The following ERC2 variants were observed in gnomAD, a reference collection of about 807,000 sequenced individuals.
ERC2 encodes the protein ERC protein 2.
A neutral mutation model predicts 114.8 loss-of-function variants in ERC2; 42 were observed. The ratio of observed to expected loss-of-function variants is 0.37; its 90% CI spans 0.29 to 0.47. The LOEUF is 0.47. Among genes scored for constraint, ERC2 ranks in the 20% least tolerant of loss-of-function variants. The pLI is 0.99. For synonymous variants in ERC2, 454 were observed against 425.5 expected (o/e 1.07, Z -0.82); for missense variants, 939 against 1,150.7 (o/e 0.82, Z 2.66).
chr3:56,339,468 C>G (rs1173585447), intron 2 of ERC2, among the ~76,000 whole-genome samples: 1 of 152,026 alleles, frequency 6.6e-6, no homozygotes, highest in African/African-American at 2.4e-5. Context: ...GTGTGGCTGG[C>G]AGGAGAAGCC....
At chr3:55,844,156 AC>A (rs1432753041) in intron 14 of ERC2, among the ~76,000 whole-genome samples, 1 of 152,170 alleles carries the variant, frequency 6.6e-6, no homozygotes, top group Non-Finnish European at 1.5e-5. Flanking sequence ...GTCTACCACT[AC>A]TGTTGAAAGG....
intron 13 of ERC2, among the ~76,000 whole-genome samples, chr3:55,912,025 T>C (rs1340982833): frequency 6.6e-6 from 1 of 152,140 alleles, no homozygotes; most frequent in African/African-American, 2.4e-5. Flanking sequence ...CCCCCATACA[T>C]TGGAGTGATC....
intron 13 of ERC2, among the ~76,000 whole-genome samples, chr3:55,923,032 G>A (rs2065522173): frequency 6.6e-6 from 1 of 152,136 alleles, no homozygotes; most frequent in South Asian, 2.1e-4. Context: ...ACTCTGGGTA[G>A]ATGCCCAAAA....
intron 2 of ERC2, among the ~76,000 whole-genome samples, chr3:56,328,113 C>T (rs1011698145): frequency 3.3e-5 from 5 of 152,124 alleles, no homozygotes; most frequent in African/African-American, 9.7e-5. Flanking sequence ...AAATAAAGTG[C>T]TATAGTAACC....
At chr3:56,333,795 T>C (rs971604652) in intron 2 of ERC2, among the ~76,000 whole-genome samples, 2 of 152,172 alleles carry the variant, frequency 1.3e-5, no homozygotes, top group Admixed American at 1.3e-4. Flanking sequence ...ATATCTATAA[T>C]AGTCAAATCA....
At chr3:55,746,972 T>C (rs2066349385) in intron 14 of ERC2, among the ~76,000 whole-genome samples, 1 of 152,200 alleles carries the variant, frequency 6.6e-6, no homozygotes, top group Non-Finnish European at 1.5e-5. Context: ...CTAAATTACT[T>C]TGTGAAGTCT....
chr3:55,599,063 ACT>A (rs1470615482), intron 17 of ERC2, among the ~76,000 whole-genome samples: 8 of 152,128 alleles, frequency 5.3e-5, no homozygotes, highest in Non-Finnish European at 1.2e-4. Flanking sequence ...TTTGGCAAGG[ACT>A]CCCTTCAAAC....
intron 3 of ERC2, among the ~76,000 whole-genome samples, chr3:56,201,574 T>G (rs2048407694): frequency 2.6e-5 from 4 of 152,274 alleles, no homozygotes; most frequent in African/African-American, 9.6e-5. Flanking sequence ...GGCAAAGAAT[T>G]CATTCCCAAC....
intron 2 of ERC2, among the ~76,000 whole-genome samples, chr3:56,322,451 G>A (rs2057170839): frequency 6.6e-6 from 1 of 152,142 alleles, no homozygotes; most frequent in Non-Finnish European, 1.5e-5. Context: ...CAGAGGTGAG[G>A]TTTATGAGTT....
At chr3:55,581,037 A>G (rs556816155) in intron 17 of ERC2, among the ~76,000 whole-genome samples, 34 of 152,308 alleles carry the variant, frequency 2.2e-4, no homozygotes, top group Non-Finnish European at 4.6e-4. Flanking sequence ...AAGCCAGTGC[A>G]GAGGCCTTGA....
chr3:56,148,902 T>G, intron 5 of ERC2, 75 bp downstream of exon 5: 2 of 1,359,464 alleles, frequency 1.5e-6, no homozygotes, highest in East Asian at 4.6e-5. Context: ...ATGGAGTATT[T>G]GGAAAAAGTA....
At chr3:56,409,374 G>A (rs2060852324) in intron 2 of ERC2, among the ~76,000 whole-genome samples, 2 of 152,086 alleles carry the variant, frequency 1.3e-5, no homozygotes, top group Non-Finnish European at 2.9e-5. Flanking sequence ...TCCTGTATTA[G>A]ACTATTTCAA....
intron 17 of ERC2, among the ~76,000 whole-genome samples, chr3:55,540,731 T>C (rs2107338910): frequency 6.6e-6 from 1 of 152,338 alleles, no homozygotes; most frequent in South Asian, 2.1e-4. Flanking sequence ...CATGAATAGC[T>C]GCTTTTAAAG....
intron 3 of ERC2, among the ~76,000 whole-genome samples, chr3:56,254,164 C>G (rs1315058984): frequency 1.3e-5 from 2 of 152,164 alleles, no homozygotes; most frequent in Non-Finnish European, 2.9e-5. Context: ...TATGTCGTCC[C>G]CTTTTATTTT....
At chr3:56,079,227 C>G (rs2077114954) in intron 7 of ERC2, among the ~76,000 whole-genome samples, 1 of 152,078 alleles carries the variant, frequency 6.6e-6, no homozygotes, top group South Asian at 2.1e-4. Context: ...ACCATATAAT[C>G]AAACTAAAAA....
At chr3:56,247,226 G>A (rs573102589) in intron 3 of ERC2, among the ~76,000 whole-genome samples, 3 of 152,274 alleles carry the variant, frequency 2.0e-5, no homozygotes, top group South Asian at 2.1e-4. Flanking sequence ...AACTAAGCGG[G>A]GGGTGGGGAT....
chr3:55,522,012 T>C (rs2052983434), intron 17 of ERC2, among the ~76,000 whole-genome samples: 1 of 152,216 alleles, frequency 6.6e-6, no homozygotes, highest in African/African-American at 2.4e-5. Context: ...ATAAACACAG[T>C]CATCATTGTC....
At chr3:56,435,274 A>G (rs1037498312) in intron 1 of ERC2, 127 bp from the exon 2 acceptor site, 1 of 308,442 alleles carries the variant, frequency 3.2e-6, no homozygotes, top group Non-Finnish European at 5.9e-6. Flanking sequence ...ATAGACAGAT[A>G]GAAAGAGCCA....
At chr3:55,696,815 G>A (rs962275921) in intron 16 of ERC2, among the ~76,000 whole-genome samples, 5 of 152,164 alleles carry the variant, frequency 3.3e-5, no homozygotes, top group Non-Finnish European at 7.3e-5. Context: ...AGGAGATATA[G>A]CCATCTCCAG....
Sources: gnomAD v4.1 joint callset for allele counts (sites outside exome capture counted in the v4.1 genomes callset) on GRCh38, gnomAD v4.1.1 for gene constraint, MANE v1.5 for transcripts, NCBI Gene and HGNC (gene_info 2026-07-23, HGNC 2026-07-21) for gene names.